The following GALNT17 variants were observed in gnomAD, a reference collection of about 807,000 sequenced individuals.
GALNT17 encodes UDP-GalNAc:polypeptide N-acetylgalactosaminyltransferase-like 3.
GALNT17 carries 29 observed loss-of-function variants against 63.7 expected under a neutral mutation model. That is an observed-to-expected ratio of 0.46 (90% CI 0.34 to 0.62). The LOEUF is 0.62. Ranked by LOEUF, GALNT17 falls within the 20% of genes least tolerant of loss-of-function variation. GALNT17 has a pLI of 0.01. For synonymous variants in GALNT17, 305 were observed against 318.3 expected (o/e 0.96, Z 0.45); for missense variants, 603 against 799.6 (o/e 0.75, Z 2.97).
At chr7:71,487,875 C>A (rs886618116) in intron 5 of GALNT17, among the ~76,000 whole-genome samples, 2 of 151,984 alleles carry the variant, frequency 1.3e-5, no homozygotes, top group Admixed American at 1.3e-4. Context: ...CCATCAAGAT[C>A]CCAGTTTTGG....
At position 71,252,798 on chromosome 7, in the gene GALNT17, C is replaced by T. The variant is rs184284363; in HGVS notation, c.239-82752C>T. 3.3e-5 allele frequency among the ~76,000 whole-genome samples: 5 copies of T among 152,290 alleles called. No individual in the cohort carries two copies. In the East Asian group the frequency reaches 9.7e-4, roughly 29 times the overall value. On this transcript the variant is annotated intron_variant, in intron 1 of 10. Transcript: ENST00000333538. ...TCCCATTTTGTTCCTAAATTCATAA[C>T]TGCAAAGATAAAAGGCTGCATACCT...
chr7:71,338,944 C>G (rs79511355), intron 2 of GALNT17, among the ~76,000 whole-genome samples: 1 of 152,176 alleles, frequency 6.6e-6, no homozygotes, highest in African/African-American at 2.4e-5. Context: ...TTTAGAATCA[C>G]TAGGAAAATA....
intron 5 of GALNT17, among the ~76,000 whole-genome samples, chr7:71,535,856 A>G (rs764279158): frequency 1.3e-5 from 2 of 152,230 alleles, no homozygotes; most frequent in Non-Finnish European, 2.9e-5. Flanking sequence ...AACATTAAGC[A>G]TTACTGCACC....
intron 6 of GALNT17, among the ~76,000 whole-genome samples, chr7:71,645,135 G>A (rs906677118): frequency 5.9e-5 from 9 of 152,352 alleles, no homozygotes; most frequent in African/African-American, 2.2e-4. Flanking sequence ...TGGACTGGGT[G>A]TACTCAGGAG....
At chr7:71,647,227 C>CTT (rs1167069191) in intron 6 of GALNT17, among the ~76,000 whole-genome samples, 1 of 13,322 alleles carries the variant, frequency 7.5e-5, no homozygotes. Flanking sequence ...CTGTGCCCAG[C>CTT]TATTTTTTTT....
At position 71,599,451 on chromosome 7, in the gene GALNT17, T is replaced by C. The variant is rs117556632; in HGVS notation, c.1080+28049T>C. Among the ~76,000 whole-genome samples, 146 of 152,268 alleles carry C rather than the reference T, an allele frequency of 9.6e-4. 1 individual carries two copies. In the South Asian group the frequency reaches 0.017, roughly 18 times the overall value. ...GCTGTGAAAGTGTGGTCTTGGCTAGTGTCTCCAGCAGCCCCAAGTTTGAGT... is the reference window on the plus strand; with the variant it reads ...GCTGTGAAAGTGTGGTCTTGGCTAGCGTCTCCAGCAGCCCCAAGTTTGAGT... On this transcript the variant is annotated intron_variant, in intron 6 of 10. Transcript: ENST00000333538.
intron 1 of GALNT17, among the ~76,000 whole-genome samples, chr7:71,329,166 A>G (rs1791757925): frequency 6.6e-6 from 1 of 152,140 alleles, no homozygotes; most frequent in Non-Finnish European, 1.5e-5. Flanking sequence ...GAAGCTGCCC[A>G]GTTAAGTCAA....
intron 1 of GALNT17, among the ~76,000 whole-genome samples, chr7:71,232,847 G>A (rs1415573091): frequency 6.6e-6 from 1 of 152,180 alleles, no homozygotes; most frequent in Non-Finnish European, 1.5e-5. Context: ...TCATGGTGCT[G>A]ATGGGTGTAT....
intron 1 of GALNT17, chr7:71,284,230 G>A (rs144552047): frequency 2.3e-3 from 370 of 161,888 alleles, no homozygotes; most frequent in Admixed American, 0.017. Context: ...CGAACCCACC[G>A]GAAGGAACCA....
chr7:71,517,645 G>A (rs1220522202), intron 5 of GALNT17, among the ~76,000 whole-genome samples: 1 of 152,178 alleles, frequency 6.6e-6, no homozygotes, highest in Non-Finnish European at 1.5e-5. Flanking sequence ...ACTCCAAGAA[G>A]GATATAGGAT....
chr7:71,152,833 A>T (rs1182059276), intron 1 of GALNT17, among the ~76,000 whole-genome samples: 1 of 151,836 alleles, frequency 6.6e-6, no homozygotes, highest in Non-Finnish European at 1.5e-5. Context: ...GGGTCTCACC[A>T]TGTTGGTCAG....
chr7:71,198,468 T>A (rs1274385845), intron 1 of GALNT17, among the ~76,000 whole-genome samples: 1 of 152,170 alleles, frequency 6.6e-6, no homozygotes, highest in Admixed American at 6.6e-5. Flanking sequence ...CTAAACATGG[T>A]CCTTCGCTAG....
chr7:71,516,017 C>T (rs1034741137), intron 5 of GALNT17, among the ~76,000 whole-genome samples: 5 of 152,012 alleles, frequency 3.3e-5, no homozygotes, highest in Admixed American at 2.0e-4. Flanking sequence ...GAGGAGCAGC[C>T]GATTATGCAT....
intron 1 of GALNT17, among the ~76,000 whole-genome samples, chr7:71,280,286 C>T (rs1790757062): frequency 6.6e-6 from 1 of 152,118 alleles, no homozygotes; most frequent in South Asian, 2.1e-4. Flanking sequence ...CATGGTTTCC[C>T]TGTGCAGTAA....
In GALNT17 at chr7:71,377,716, G is replaced by A. The variant is rs561307055; in HGVS notation, c.423-10519G>A. 4.6e-5 allele frequency among the ~76,000 whole-genome samples: 7 copies of A among 152,310 alleles called. No homozygotes were observed. The South Asian group carries it at 6.2e-4, about 14-fold the overall frequency. ...AGGGAGGGACCTGTAGTCTCCACGTGTTGAGGGATGGAGGTGATTGGATCA... is the reference window on the plus strand; with the variant it reads ...AGGGAGGGACCTGTAGTCTCCACGTATTGAGGGATGGAGGTGATTGGATCA... On this transcript the variant is annotated intron_variant, in intron 2 of 10. Transcript: ENST00000333538.
At chr7:71,150,928 G>A (rs1035124039) in intron 1 of GALNT17, among the ~76,000 whole-genome samples, 1 of 144,914 alleles carries the variant, frequency 6.9e-6, no homozygotes, top group Admixed American at 7.1e-5. Flanking sequence ...AGTGTGCCAT[G>A]ATCACACCAC....
In GALNT17 at chr7:71,388,325, C is replaced by G. The variant is rs202215580; in HGVS notation, c.513C>G (p.Ser171=). The change falls in exon 3 of 11, where the codon TCC becomes TCG. Residue 171 remains serine (S), a synonymous_variant. Transcript: ENST00000333538. ...AGGCCCTGTCGGTGATCCTGCGGTC[C>G]GTGCACAGTGCCGTCAATCACACGC... is the stretch of plus-strand genomic sequence containing the variant. ...VNEALSVILR[S]VHSAVNHTPT... 57 of 1,614,008 alleles carry G rather than the reference C, an allele frequency of 3.5e-5. No individual in the cohort carries two copies. The African/African-American group carries it at 7.6e-4, about 22-fold the overall frequency.
chr7:71,253,270 C>T (rs886115597), intron 1 of GALNT17, among the ~76,000 whole-genome samples: 31 of 152,204 alleles, frequency 2.0e-4, no homozygotes, highest in South Asian at 1.5e-3. Flanking sequence ...ACAATCATGG[C>T]GGAAGGCAAA....
intron 1 of GALNT17, among the ~76,000 whole-genome samples, chr7:71,213,205 C>G (rs1474983699): frequency 6.6e-6 from 1 of 152,178 alleles, no homozygotes; most frequent in Admixed American, 6.5e-5. Context: ...GTGAATATCT[C>G]ACGAGATCTT....
Sources: gnomAD v4.1 joint callset for allele counts (sites outside exome capture counted in the v4.1 genomes callset) on GRCh38, gnomAD v4.1.1 for gene constraint, MANE v1.5 for transcripts, NCBI Gene and HGNC (gene_info 2026-07-23, HGNC 2026-07-21) for gene names.